CCN3: variants seen among roughly 807,000 people sequenced by gnomAD.
The protein encoded by CCN3 is CCN family member 3.
CCN3 carries 20 observed loss-of-function variants against 33.4 expected under a neutral mutation model. The observed-to-expected ratio is 0.60, with a 90% CI of 0.42 to 0.87. The LOEUF is 0.87. Among genes scored for constraint, CCN3 ranks in the 40% least tolerant of loss-of-function variants. The pLI is 0.00. For synonymous variants in CCN3, 205 were observed against 170.4 expected (o/e 1.20, Z -1.58); for missense variants, 465 against 455.3 (o/e 1.02, Z -0.19).
At position 119,419,322 on chromosome 8, in the gene CCN3, G is replaced by C. The variant is rs757800854; in HGVS notation, c.754G>C (p.Glu252Gln). The C allele has an allele frequency of 1.2e-6, 2 of 1,613,784 alleles. No individual in the cohort carries two copies. Among genetic ancestry groups the C allele is most frequent in the Admixed American group, 1.7e-5 (1 of 60,012 alleles). The change falls in exon 4 of 5, where the codon GAG (glutamate) becomes CAG (glutamine). Residue 252 changes from glutamate (E) to glutamine (Q), a missense_variant. Glu to Gln is a conservative substitution (Grantham distance 29). Coordinates refer to ENST00000259526, the MANE Select transcript of CCN3 (RefSeq NM_002514.4). ...CTGCATGGTGCGGCCCTGTGAACAA[G>C]AGCCAGAGCAGCCAACAGATAAGGT... The part of the protein sequence containing the change: ...RLCMVRPCEQ[E>Q]PEQPTDKKGK...
In CCN3 at chr8:119,423,256, T is replaced by C; in HGVS notation, c.*124T>C. The C allele has an allele frequency of 2.1e-6, 2 of 933,402 alleles. No individual in the cohort carries two copies. The highest frequency in any genetic ancestry group is 3.2e-6 in the Non-Finnish European group (2 of 618,666). The allele number at this position is 933,402 out of a possible 1,614,324, so 57.8% of individuals were successfully genotyped here. A position where few individuals can be genotyped will look rare whatever the true frequency, so the allele number is the denominator to read the frequency against. ...CCTTGAATCCTATGTATTTTCCTAA[T>C]GTGATCATATGAGGACCTTTATATC... On this transcript the variant is annotated 3_prime_UTR_variant, in exon 5 of 5. Transcript: ENST00000259526.
At chr8:119,418,616 C>A (rs1191848071) in intron 3 of CCN3, among the ~76,000 whole-genome samples, 1 of 152,158 alleles carries the variant, frequency 6.6e-6, no homozygotes, top group Non-Finnish European at 1.5e-5. Flanking sequence ...TCCCACTTGA[C>A]CCTCATTAGC....
intron 4 of CCN3, among the ~76,000 whole-genome samples, chr8:119,419,750 G>A (rs1820099302): frequency 6.6e-6 from 1 of 152,290 alleles, no homozygotes; most frequent in African/African-American, 2.4e-5. Flanking sequence ...GGCCATGTGG[G>A]TCTTACCTCT....
In CCN3 at chr8:119,424,019, A is replaced by AT; in HGVS notation, c.*891dup. ...CTGTTTCAAATGTGCATTTTGTGGAATTTTGAGAAAAATAGAGCAAAATCA... is the reference window on the plus strand; with the variant it reads ...CTGTTTCAAATGTGCATTTTGTGGAATTTTTGAGAAAAATAGAGCAAAATCA... On this transcript the variant is annotated 3_prime_UTR_variant, in exon 5 of 5. Transcript: ENST00000259526. The AT allele has an allele frequency of 6.6e-6, 1 of 152,308 alleles. No individual in the cohort carries two copies. The highest frequency in any genetic ancestry group is 1.9e-4 in the East Asian group (1 of 5,190). 9.4% of individuals were successfully genotyped at this position (152,308 alleles called of 1,614,324 possible). A position where few individuals can be genotyped will look rare whatever the true frequency, so the allele number is the denominator to read the frequency against.
intron 2 of CCN3, among the ~76,000 whole-genome samples, chr8:119,417,290 G>A (rs575049462): frequency 8.5e-5 from 13 of 152,234 alleles, no homozygotes; most frequent in Non-Finnish European, 1.8e-4. Context: ...GACACTTCTA[G>A]GGGGCCACTT....
chr8:119,419,128 T>C lies in CCN3; in HGVS notation c.563-3T>C, dbSNP rs1221248731. 6.2e-7 allele frequency: 1 copy of C among 1,612,398 alleles called. No homozygotes were observed. The highest frequency in any genetic ancestry group is 2.2e-5 in the East Asian group (1 of 44,870). On this transcript the variant is annotated splice_polypyrimidine_tract_variant and splice_region_variant and intron_variant, in intron 3 of 4. Transcript: ENST00000259526. ...TGGCTGTCTTTATTTATACATCCCATAGCTTACAGGCCAGAAGCCACCCTA... is the reference window on the plus strand; with the variant it reads ...TGGCTGTCTTTATTTATACATCCCACAGCTTACAGGCCAGAAGCCACCCTA...
intron 4 of CCN3, among the ~76,000 whole-genome samples, chr8:119,419,606 A>G (rs1280319720): frequency 2.6e-5 from 4 of 152,276 alleles, no homozygotes; most frequent in Non-Finnish European, 1.5e-5. Flanking sequence ...GCTTTTCCCA[A>G]TAGAGAATGG....
rs970052577 is a variant in CCN3, at chr8:119,418,303, C to A, written c.556C>A (p.Leu186Ile). ...GGAGGATTCACTGGGAGGCCTTACC[C>A]TTGCAGGTGAGAAACTCAATATACC... is the stretch of plus-strand genomic sequence containing the variant. ...DEEDSLGGLTLAAYRPEATLG... is the reference protein window; with the variant it reads ...DEEDSLGGLTIAAYRPEATLG... Residue 186 changes from leucine (L) to isoleucine (I), a missense_variant, in exon 3 of 5, where the codon CTT becomes ATT. Transcript: ENST00000259526. 2.5e-6 allele frequency: 4 copies of A among 1,613,844 alleles called. No individual in the cohort carries two copies. The highest frequency in any genetic ancestry group is 3.4e-6 in the Non-Finnish European group (4 of 1,180,026).
Position 119,418,062 on chromosome 8 carries a change from A to G in CCN3, c.315A>G (p.Val105=). ...PSNQTGICTA[V]EGDNCVFDGV... Reference sequence around the variant, plus strand: ...TTTGCTTCCCCAATATTCTAGCGGTAGAGGGAGATAACTGTGTGTTCGATG... The same window carrying G: ...TTTGCTTCCCCAATATTCTAGCGGTGGAGGGAGATAACTGTGTGTTCGATG... Residue 105 remains valine, a synonymous_variant, in exon 3 of 5, where the codon GTA becomes GTG. Coordinates refer to ENST00000259526, the MANE Select transcript of CCN3 (RefSeq NM_002514.4). 6.2e-7 allele frequency: 1 copy of G among 1,610,952 alleles called. No homozygotes were observed. The highest frequency in any genetic ancestry group is 8.5e-7 in the Non-Finnish European group (1 of 1,177,306).
rs771247624 is a variant in CCN3, at chr8:119,418,129, A to C, written c.382A>C (p.Lys128Gln). The C allele has an allele frequency of 3.1e-6, 5 of 1,614,116 alleles. No individual in the cohort carries two copies. In the South Asian group the frequency reaches 5.5e-5, roughly 18 times the overall value. Residue 128 changes from lysine to glutamine, a missense_variant, in exon 3 of 5, where the codon AAA becomes CAA. Physicochemically the swap from Lys to Gln is moderately conservative, Grantham distance 53. Coordinates refer to ENST00000259526, the MANE Select transcript of CCN3 (RefSeq NM_002514.4). Reference protein sequence around the residue: ...RSGEKFQPSCKFQCTCRDGQI... With the variant: ...RSGEKFQPSCQFQCTCRDGQI... ...TGGAGAGAAATTTCAGCCAAGCTGC[A>C]AATTCCAGTGCACCTGCAGAGATGG...
intron 4 of CCN3, among the ~76,000 whole-genome samples, chr8:119,420,979 T>C (rs1006385001): frequency 6.7e-6 from 1 of 149,864 alleles, no homozygotes; most frequent in Admixed American, 6.6e-5. Flanking sequence ...CTTCCTTGTC[T>C]CCAAGAGATT....
chr8:119,422,738 G>A, intron 4 of CCN3, 98 bp from the exon 5 acceptor site: 1 of 943,450 alleles, frequency 1.1e-6, no homozygotes, highest in Non-Finnish European at 1.6e-6. Flanking sequence ...AAGACCAATA[G>A]ATATTGGGTG....
At chr8:119,417,013 A>ACTT in intron 2 of CCN3, 44 bp downstream of exon 2, 2 of 1,479,110 alleles carry the variant, frequency 1.4e-6, no homozygotes, top group Non-Finnish European at 1.9e-6. Flanking sequence ...TCCTGCAGCT[A>ACTT]AGTGAAGCTG....
chr8:119,419,053 T>C, intron 3 of CCN3, 78 bp from the exon 4 acceptor site: 5 of 1,148,574 alleles, frequency 4.4e-6, no homozygotes, highest in Non-Finnish European at 6.5e-6. Context: ...ACCCAGTTTC[T>C]AATAATGGCT....
At chr8:119,420,449 G>C (rs1820107517) in intron 4 of CCN3, among the ~76,000 whole-genome samples, 1 of 152,170 alleles carries the variant, frequency 6.6e-6, no homozygotes. Context: ...CCTAGTGGTT[G>C]CATTAGTTAT....
chr8:119,416,475 T>C lies in CCN3; in HGVS notation c.-58T>C. Reference sequence around the variant, plus strand: ...ACCGGACCAGGGGGAAGGCGAGCAGTGCCAATCTACAGCGAAGAAAGTCTC... The same window carrying C: ...ACCGGACCAGGGGGAAGGCGAGCAGCGCCAATCTACAGCGAAGAAAGTCTC... On this transcript the variant is annotated 5_prime_UTR_variant, in exon 1 of 5. Transcript: ENST00000259526. 6.5e-7 allele frequency: 1 copy of C among 1,540,156 alleles called. No individual in the cohort carries two copies. Among genetic ancestry groups the C allele is most frequent in the Non-Finnish European group, 8.9e-7 (1 of 1,119,110 alleles).
chr8:119,422,847 G>T lies in CCN3; in HGVS notation c.789G>T (p.Lys263Asn), dbSNP rs750878537. ...TTTTTCTTTCTTAGAAAGGAAAAAAGTGTCTCCGCACCAAGAAGTCACTCA... is the reference window on the plus strand; with the variant it reads ...TTTTTCTTTCTTAGAAAGGAAAAAATTGTCTCCGCACCAAGAAGTCACTCA... ...PEQPTDKKGKKCLRTKKSLKA... is the reference protein window; with the variant it reads ...PEQPTDKKGKNCLRTKKSLKA... The change falls in exon 5 of 5, where the codon AAG becomes AAT. Residue 263 changes from lysine (K) to asparagine (N), a missense_variant. Coordinates refer to ENST00000259526, the MANE Select transcript of CCN3 (RefSeq NM_002514.4). The T allele has an allele frequency of 6.3e-7, 1 of 1,599,236 alleles. No individual in the cohort carries two copies.
intron 2 of CCN3, among the ~76,000 whole-genome samples, 185 bp from the exon 3 acceptor site, chr8:119,417,873 G>T (rs1164648914): frequency 6.6e-6 from 1 of 152,114 alleles, no homozygotes; most frequent in Non-Finnish European, 1.5e-5. Flanking sequence ...GTTTCTTCTT[G>T]CTCTGAGAGG....
rs772165029 is a variant in CCN3, at chr8:119,423,037, G to A, written c.979G>A (p.Val327Ile). The A allele has an allele frequency of 1.2e-6, 2 of 1,614,130 alleles. No individual in the cohort carries two copies. The highest frequency in any genetic ancestry group is 1.7e-6 in the Non-Finnish European group (2 of 1,180,016). Residue 327 changes from valine to isoleucine, a missense_variant, in exon 5 of 5, where the codon GTC becomes ATC. Val to Ile is a conservative substitution (Grantham distance 29, BLOSUM62 3). Coordinates refer to ENST00000259526, the MANE Select transcript of CCN3 (RefSeq NM_002514.4). ...GCAAATAGTCAAGAAGCCAGTGATG[G>A]TCATTGGGACCTGCACCTGTCACAC... ...PGQIVKKPVM[V>I]IGTCTCHTNC...
Sources: allele counts gnomAD v4.1 joint callset (sites outside exome capture counted in the v4.1 genomes callset), GRCh38; gene constraint gnomAD v4.1.1; transcripts MANE v1.5; gene names NCBI Gene and HGNC (gene_info 2026-07-23, HGNC 2026-07-21).